MAP4K4: variants seen among roughly 807,000 people sequenced by gnomAD.
MAP4K4 encodes the protein mitogen-activated protein kinase kinase kinase kinase 4, also known as HPK/GCK-like kinase HGK.
In MAP4K4, 38 loss-of-function variants were observed where a neutral mutation model predicts 189.6. That is an observed-to-expected ratio of 0.20 (90% CI 0.15 to 0.26). The LOEUF (loss-of-function observed/expected upper bound fraction) is 0.26. Ranked by LOEUF, MAP4K4 falls within the 10% of genes least tolerant of loss-of-function variation. The probability of loss-of-function intolerance (pLI) is 1.00; values close to 1 mark genes in which losing one functional copy is unlikely to be tolerated. For synonymous variants in MAP4K4, 610 were observed against 624.3 expected (o/e 0.98, Z 0.34); for missense variants, 1,054 against 1,726.9 (o/e 0.61, Z 6.91).
chr2:101,818,421 G>A (rs537587540), intron 3 of MAP4K4, among the ~76,000 whole-genome samples: 1 of 152,202 alleles, frequency 6.6e-6, no homozygotes, highest in South Asian at 2.1e-4. Context: ...TGTAAAGAGG[G>A]TATGCCAGGT....
In MAP4K4 at chr2:101,740,153, T is replaced by TGATA. The variant is rs1460437555; in HGVS notation, c.123+41615_123+41616insGATA. Among the ~76,000 whole-genome samples, 396 of 109,458 alleles carry TGATA rather than the reference T, an allele frequency of 3.6e-3. 22 individuals are homozygous for TGATA. The highest frequency in any genetic ancestry group is 0.017 in the African/African-American group (233 of 13,710). 71.8% of individuals were successfully genotyped at this position (109,458 alleles called of 152,430 possible). ...GCTTCAAAGTTGCTTTATATCATCTTTTTTTTTTTTTTTTTTTTGAGACGG... is the reference window on the plus strand; with the variant it reads ...GCTTCAAAGTTGCTTTATATCATCTTGATATTTTTTTTTTTTTTTTTTGAGACGG... On this transcript the variant is annotated intron_variant, in intron 2 of 32. Transcript: ENST00000324219.
chr2:101,698,070 A>G, exon 1 of MAP4K4: 1 of 1,327,502 alleles, frequency 7.5e-7, no homozygotes, highest in Non-Finnish European at 9.9e-7. Flanking sequence ...TTTTGGTGGC[A>G]AAAAGGGAAA....
intron 2 of MAP4K4, among the ~76,000 whole-genome samples, chr2:101,731,071 A>G (rs1324826193): frequency 6.6e-6 from 1 of 151,714 alleles, no homozygotes; most frequent in African/African-American, 2.4e-5. Flanking sequence ...GTTGAATAGT[A>G]TATATTTATA....
intron 2 of MAP4K4, among the ~76,000 whole-genome samples, chr2:101,714,786 G>A (rs914485915): frequency 6.6e-6 from 1 of 152,134 alleles, no homozygotes; most frequent in Non-Finnish European, 1.5e-5. Context: ...GTAAAAGAAT[G>A]TATCTAAGAT....
At chr2:101,760,513 T>C (rs2075827883) in intron 2 of MAP4K4, among the ~76,000 whole-genome samples, 1 of 123,580 alleles carries the variant, frequency 8.1e-6, no homozygotes, top group Non-Finnish European at 1.6e-5. Flanking sequence ...AATATATATA[T>C]ATATATATAT....
intron 12 of MAP4K4, among the ~76,000 whole-genome samples, chr2:101,845,431 TG>T (rs1051520574): frequency 8.5e-5 from 13 of 152,184 alleles, no homozygotes; most frequent in African/African-American, 2.2e-4. Context: ...TTCTGAGAAA[TG>T]CATCATTAGG....
chr2:101,854,257 G>T (rs899394823), intron 12 of MAP4K4, among the ~76,000 whole-genome samples: 10 of 152,132 alleles, frequency 6.6e-5, no homozygotes, highest in African/African-American at 1.9e-4. Flanking sequence ...AAACCCGGTG[G>T]AACAAACAAA....
At chr2:101,726,031 A>G (rs1358197757) in intron 2 of MAP4K4, among the ~76,000 whole-genome samples, 1 of 151,980 alleles carries the variant, frequency 6.6e-6, no homozygotes, top group African/African-American at 2.4e-5. Context: ...CTTTATTTGG[A>G]GTGTCTTTTA....
chr2:101,792,325 A>G (rs768150765), intron 3 of MAP4K4, among the ~76,000 whole-genome samples: 1 of 152,040 alleles, frequency 6.6e-6, no homozygotes, highest in Non-Finnish European at 1.5e-5. Context: ...AATCTTTTGG[A>G]ATTTTATGAA....
intron 22 of MAP4K4, 173 bp downstream of exon 22, chr2:101,869,970 C>CATA (rs1335805730): frequency 2.0e-5 from 16 of 814,866 alleles, no homozygotes; most frequent in Non-Finnish European, 2.2e-5. Flanking sequence ...TTGGTGTGTG[C>CATA]ATATGTCAGT....
intron 3 of MAP4K4, among the ~76,000 whole-genome samples, chr2:101,792,153 A>G (rs1356524717): frequency 1.3e-5 from 2 of 152,188 alleles, no homozygotes; most frequent in Non-Finnish European, 1.5e-5. Flanking sequence ...TGTGAATGGA[A>G]TGATCAATAC....
chr2:101,762,408 C>G (rs1037994343), intron 2 of MAP4K4, among the ~76,000 whole-genome samples: 1 of 152,124 alleles, frequency 6.6e-6, no homozygotes, highest in African/African-American at 2.4e-5. Context: ...GAAGATTTTT[C>G]CTTGCAGTGA....
At chr2:101,873,696 T>C (rs759221924) in exon 25 of MAP4K4, 2 of 1,613,268 alleles carry the variant, frequency 1.2e-6, no homozygotes, top group Non-Finnish European at 1.7e-6. Flanking sequence ...TCCTCCTCCT[T>C]TACACCTTTT....
At chr2:101,753,362 T>C (rs1481830726) in intron 2 of MAP4K4, among the ~76,000 whole-genome samples, 1 of 152,150 alleles carries the variant, frequency 6.6e-6, no homozygotes, top group African/African-American at 2.4e-5. Context: ...TCAAAGAAAA[T>C]CTTTGTTTGA....
intron 2 of MAP4K4, among the ~76,000 whole-genome samples, chr2:101,752,891 A>G (rs2069919354): frequency 1.3e-5 from 2 of 152,118 alleles, no homozygotes; most frequent in Admixed American, 1.3e-4. Context: ...TTCTGTTTCT[A>G]CTGGTGCCAG....
intron 2 of MAP4K4, among the ~76,000 whole-genome samples, chr2:101,717,185 C>T (rs1453418959): frequency 1.3e-5 from 2 of 152,176 alleles, no homozygotes; most frequent in Non-Finnish European, 2.9e-5. Flanking sequence ...AACACTCTAC[C>T]TGCTTTTCTT....
intron 3 of MAP4K4, among the ~76,000 whole-genome samples, chr2:101,811,328 C>T (rs538549312): frequency 5.3e-5 from 7 of 131,032 alleles, no homozygotes; most frequent in South Asian, 2.6e-4. Context: ...CCGAGATTTG[C>T]GCCACTGCAT....
At chr2:101,780,693 A>G (rs936788568) in intron 2 of MAP4K4, among the ~76,000 whole-genome samples, 5 of 152,242 alleles carry the variant, frequency 3.3e-5, no homozygotes, top group Admixed American at 1.3e-4. Context: ...TAAGAGGCAC[A>G]GTCCATTGGA....
intron 28 of MAP4K4, among the ~76,000 whole-genome samples, chr2:101,884,469 T>C (rs1559335664): frequency 6.6e-6 from 1 of 152,228 alleles, no homozygotes; most frequent in South Asian, 2.1e-4. Context: ...AGGGGAGTTA[T>C]CAGTTAACAA....
Sources: gnomAD v4.1 joint callset for allele counts (sites outside exome capture counted in the v4.1 genomes callset) on GRCh38, gnomAD v4.1.1 for gene constraint, MANE v1.5 for transcripts, NCBI Gene and HGNC (gene_info 2026-07-23, HGNC 2026-07-21) for gene names.